The following KCTD16 variants were observed in gnomAD, a reference collection of about 807,000 sequenced individuals.
KCTD16 encodes the protein BTB/POZ domain-containing protein KCTD16.
A neutral mutation model predicts 33.2 loss-of-function variants in KCTD16; 13 were observed. The observed-to-expected ratio is 0.39, with a 90% CI of 0.25 to 0.62. KCTD16 has a LOEUF of 0.62. KCTD16 is among the 20% of genes least tolerant of loss of function. The pLI is 0.50. For synonymous variants in KCTD16, 197 were observed against 195.3 expected, an observed-to-expected ratio of 1.01 and a Z score of -0.07; for missense variants, 441 against 525.1, an observed-to-expected ratio of 0.84 and a Z score of 1.57.
chr5:144,210,163 C>T (rs749838293), intron 3 of KCTD16, among the ~76,000 whole-genome samples: 12 of 151,974 alleles, frequency 7.9e-5, no homozygotes, highest in African/African-American at 2.9e-4. Context: ...ACCTATCAAC[C>T]ATGAATAAGT....
chr5:144,304,180 A>G (rs923627663), intron 3 of KCTD16, among the ~76,000 whole-genome samples: 2 of 152,226 alleles, frequency 1.3e-5, no homozygotes, highest in Non-Finnish European at 2.9e-5. Context: ...CACTTATTTT[A>G]GATAGAATAA....
At chr5:144,231,490 T>G (rs556427990) in intron 3 of KCTD16, among the ~76,000 whole-genome samples, 43 of 152,200 alleles carry the variant, frequency 2.8e-4, no homozygotes, top group Non-Finnish European at 3.8e-4. Flanking sequence ...TGTCTATGTC[T>G]CAACTTTCCA....
At position 144,468,900 on chromosome 5, in the gene KCTD16, C is replaced by G. The variant is rs1314329431; in HGVS notation, c.833-4760C>G. 2.0e-5 allele frequency among the ~76,000 whole-genome samples: 3 copies of G among 152,254 alleles called. No homozygotes were observed. The South Asian group carries it at 6.2e-4, about 32-fold the overall frequency. On this transcript the variant is annotated intron_variant, in intron 3 of 3. Coordinates refer to ENST00000512467, the MANE Select transcript of KCTD16 (RefSeq NM_020768.4). The stretch of plus-strand genomic sequence containing the variant: ...TTGCTAAGTCATGTTTCACTCAGCT[C>G]GGTTTGAATTTTTCATAGAGGAGAA...
chr5:144,430,806 A>C (rs1290637188), intron 3 of KCTD16, among the ~76,000 whole-genome samples: 1 of 151,508 alleles, frequency 6.6e-6, no homozygotes, highest in East Asian at 1.9e-4. Context: ...CTCCAACCAA[A>C]CAGAAGGTCT....
At chr5:144,245,210 T>A (rs957501307) in intron 3 of KCTD16, among the ~76,000 whole-genome samples, 1 of 152,048 alleles carries the variant, frequency 6.6e-6, no homozygotes, top group Non-Finnish European at 1.5e-5. Context: ...AAGCATACAG[T>A]CTAGAAGGGA....
At chr5:144,388,997 G>C (rs552826219) in intron 3 of KCTD16, among the ~76,000 whole-genome samples, 6 of 152,158 alleles carry the variant, frequency 3.9e-5, no homozygotes, top group Admixed American at 2.6e-4. Flanking sequence ...GTTTTATCAA[G>C]GATGGTCATA....
At position 144,446,151 on chromosome 5, in the gene KCTD16, T is replaced by G. The variant is rs180715109; in HGVS notation, c.833-27509T>G. ...CAGCTAATTGTGTCATATATGTCCA[T>G]GAGTTTCTGCTTCTGTTAGTTAGTT... On this transcript the variant is annotated intron_variant, in intron 3 of 3. Coordinates refer to ENST00000512467, the MANE Select transcript of KCTD16 (RefSeq NM_020768.4). Among the ~76,000 whole-genome samples the G allele has an allele frequency of 3.9e-5, 6 of 152,090 alleles. No individual in the cohort carries two copies. The East Asian group carries it at 7.8e-4, about 20-fold the overall frequency.
intron 3 of KCTD16, among the ~76,000 whole-genome samples, chr5:144,344,850 T>C (rs831412): frequency 0.035 from 5,172 of 148,652 alleles, 286 homozygotes; most frequent in African/African-American, 0.11. Flanking sequence ...CCATCCCATT[T>C]CTGGGTATAT....
chr5:144,444,572 A>G (rs1013726392), intron 3 of KCTD16, among the ~76,000 whole-genome samples: 1 of 152,008 alleles, frequency 6.6e-6, no homozygotes, highest in African/African-American at 2.4e-5. Context: ...TTTACAGTTA[A>G]TAGTTTATGC....
At chr5:144,251,211 A>G (rs763703567) in intron 3 of KCTD16, among the ~76,000 whole-genome samples, 2 of 152,164 alleles carry the variant, frequency 1.3e-5, no homozygotes, top group Non-Finnish European at 2.9e-5. Flanking sequence ...TTATCAAGCT[A>G]AAAAGTCTGC....
At chr5:144,275,903 A>G (rs1561550543) in intron 3 of KCTD16, among the ~76,000 whole-genome samples, 1 of 152,224 alleles carries the variant, frequency 6.6e-6, no homozygotes, top group Non-Finnish European at 1.5e-5. Context: ...AAGCTGTACC[A>G]TGACGAAAGC....
intron 3 of KCTD16, among the ~76,000 whole-genome samples, chr5:144,219,860 G>T (rs1313961831): frequency 1.3e-5 from 2 of 152,026 alleles, no homozygotes; most frequent in East Asian, 3.9e-4. Context: ...CAAATGTTTG[G>T]ACCCAGCAGG....
At chr5:144,441,226 T>C (rs1482446453) in intron 3 of KCTD16, among the ~76,000 whole-genome samples, 1 of 152,128 alleles carries the variant, frequency 6.6e-6, no homozygotes, top group East Asian at 1.9e-4. Context: ...TTTTTCATTT[T>C]CTCAGTGATA....
chr5:144,462,760 G>A (rs1754230005), intron 3 of KCTD16, among the ~76,000 whole-genome samples: 1 of 152,034 alleles, frequency 6.6e-6, no homozygotes, highest in African/African-American at 2.4e-5. Flanking sequence ...ATGCCGTCTG[G>A]TCTTGAAGTT....
intron 3 of KCTD16, among the ~76,000 whole-genome samples, chr5:144,440,110 C>T (rs926516198): frequency 1.3e-5 from 2 of 152,182 alleles, no homozygotes; most frequent in African/African-American, 4.8e-5. Context: ...CTGGAAGCCC[C>T]TTCTGTGCAC....
At chr5:144,341,055 A>T (rs970435975) in intron 3 of KCTD16, among the ~76,000 whole-genome samples, 8 of 152,176 alleles carry the variant, frequency 5.3e-5, no homozygotes, top group African/African-American at 1.9e-4. Flanking sequence ...CAAAAAAACA[A>T]ACAAAAAAAC....
chr5:144,350,174 G>C (rs777411191), intron 3 of KCTD16, among the ~76,000 whole-genome samples: 1 of 152,092 alleles, frequency 6.6e-6, no homozygotes, highest in Non-Finnish European at 1.5e-5. Flanking sequence ...CTAGCATTAA[G>C]AAAGCCCTGA....
chr5:144,395,747 G>C (rs1333288778), intron 3 of KCTD16, among the ~76,000 whole-genome samples: 1 of 152,152 alleles, frequency 6.6e-6, no homozygotes, highest in Non-Finnish European at 1.5e-5. Context: ...CCATGGTCCT[G>C]ATCTGGACCA....
intron 3 of KCTD16, among the ~76,000 whole-genome samples, chr5:144,332,184 AAAC>A (rs1446536932): frequency 3.3e-5 from 5 of 152,210 alleles, no homozygotes; most frequent in African/African-American, 9.6e-5. Flanking sequence ...ATTGGATGAG[AAAC>A]AACAACATTA....
Sources: allele counts gnomAD v4.1 joint callset (sites outside exome capture counted in the v4.1 genomes callset), GRCh38; gene constraint gnomAD v4.1.1; transcripts MANE v1.5; gene names NCBI Gene and HGNC (gene_info 2026-07-23, HGNC 2026-07-21).